Variants in FCHSD2 observed in about 807,000 individuals in gnomAD.
FCHSD2 encodes FCH and double SH3 domains 2, also known as F-BAR and double SH3 domains protein 2.
A neutral mutation model predicts 108.1 loss-of-function variants in FCHSD2; 38 were observed. That is an observed-to-expected ratio of 0.35 (90% CI 0.27 to 0.46). The LOEUF is 0.46. FCHSD2 is among the 20% of genes least tolerant of loss of function. The pLI, the probability that FCHSD2 is intolerant of heterozygous loss-of-function variation, is 1.00. For missense variants in FCHSD2, 751 were observed against 897.8 expected (o/e 0.84, Z 2.09); for synonymous variants, 279 against 314.7 (o/e 0.89, Z 1.20).
chr11:73,030,444 T>C (rs763578153), intron 3 of FCHSD2, among the ~76,000 whole-genome samples: 7 of 152,136 alleles, frequency 4.6e-5, no homozygotes, highest in African/African-American at 7.2e-5. Context: ...AGTGAGTATA[T>C]AGTTTTTACG....
At chr11:73,067,601 G>A (rs1044400822) in intron 3 of FCHSD2, among the ~76,000 whole-genome samples, 7 of 152,022 alleles carry the variant, frequency 4.6e-5, no homozygotes, top group African/African-American at 1.7e-4. Flanking sequence ...CAAGATCCCT[G>A]AAGCATTTAT....
At chr11:72,962,860 C>G (rs1485824216) in intron 8 of FCHSD2, among the ~76,000 whole-genome samples, 1 of 152,008 alleles carries the variant, frequency 6.6e-6, no homozygotes, top group Non-Finnish European at 1.5e-5. Flanking sequence ...AGTTAAATAT[C>G]TTGATTTCAG....
At chr11:72,873,087 C>T (rs191408308) in intron 12 of FCHSD2, among the ~76,000 whole-genome samples, 4 of 152,190 alleles carry the variant, frequency 2.6e-5, no homozygotes, top group African/African-American at 4.8e-5. Flanking sequence ...CCCAGCACTT[C>T]GGGAGGCTGA....
intron 17 of FCHSD2, among the ~76,000 whole-genome samples, chr11:72,842,223 G>A (rs1860978946): frequency 2.0e-5 from 3 of 152,200 alleles, no homozygotes; most frequent in Non-Finnish European, 4.4e-5. Flanking sequence ...GCAGGACCTG[G>A]ACTAGGCAAG....
chr11:73,065,756 G>A (rs1025843387), intron 3 of FCHSD2, among the ~76,000 whole-genome samples: 5 of 152,174 alleles, frequency 3.3e-5, no homozygotes, highest in Non-Finnish European at 4.4e-5. Flanking sequence ...ATTCACAATC[G>A]CTACAAAGAT....
intron 13 of FCHSD2, among the ~76,000 whole-genome samples, chr11:72,852,577 T>C (rs1458003967): frequency 1.3e-5 from 2 of 151,974 alleles, no homozygotes; most frequent in Admixed American, 6.6e-5. Context: ...GGCACGAGAA[T>C]TGCTTGAACC....
chr11:73,108,310 T>A (rs971597239), intron 2 of FCHSD2, among the ~76,000 whole-genome samples: 1 of 152,244 alleles, frequency 6.6e-6, no homozygotes, highest in Non-Finnish European at 1.5e-5. Flanking sequence ...TACTAATCCC[T>A]GGTAAGATAA....
intron 2 of FCHSD2, among the ~76,000 whole-genome samples, chr11:73,086,194 A>G (rs1328958347): frequency 1.3e-5 from 2 of 152,186 alleles, no homozygotes; most frequent in African/African-American, 4.8e-5. Flanking sequence ...GGATCACTTG[A>G]GGCCAGGAGT....
chr11:73,062,623 A>T (rs1252310336), intron 3 of FCHSD2, among the ~76,000 whole-genome samples: 1 of 152,216 alleles, frequency 6.6e-6, no homozygotes, highest in Non-Finnish European at 1.5e-5. Context: ...AATACACAGC[A>T]CGAGAACTTC....
At chr11:72,940,367 A>C in intron 8 of FCHSD2, 1 of 454,768 alleles carries the variant, frequency 2.2e-6, no homozygotes, top group Non-Finnish European at 3.9e-6. Flanking sequence ...AGTTTCTAAA[A>C]TGCAGTTACC....
chr11:73,110,825 C>T (rs1427888285), intron 2 of FCHSD2, among the ~76,000 whole-genome samples: 4 of 151,978 alleles, frequency 2.6e-5, no homozygotes, highest in South Asian at 2.1e-4. Context: ...CTTCCCACTT[C>T]GTACTGCTGT....
chr11:72,975,103 A>G (rs1565349700), intron 8 of FCHSD2, among the ~76,000 whole-genome samples: 1 of 152,212 alleles, frequency 6.6e-6, no homozygotes, highest in Non-Finnish European at 1.5e-5. Context: ...TTCACTTAAC[A>G]TAATGTCCTC....
At chr11:72,938,677 T>C (rs555884322) in intron 8 of FCHSD2, among the ~76,000 whole-genome samples, 9 of 152,248 alleles carry the variant, frequency 5.9e-5, no homozygotes, top group Admixed American at 2.6e-4. Context: ...TCAATTTTCA[T>C]CATTCTTTTA....
At chr11:73,005,130 T>C (rs957221415) in intron 4 of FCHSD2, among the ~76,000 whole-genome samples, 1 of 152,252 alleles carries the variant, frequency 6.6e-6, no homozygotes, top group Non-Finnish European at 1.5e-5. Flanking sequence ...AGCATTCTTA[T>C]GAGCAAACAT....
intron 13 of FCHSD2, among the ~76,000 whole-genome samples, chr11:72,855,734 T>C (rs1861412424): frequency 6.6e-6 from 1 of 152,122 alleles, no homozygotes; most frequent in South Asian, 2.1e-4. Context: ...AAAAAATGAG[T>C]TAGATCCACA....
chr11:73,108,579 T>G (rs1395668231), intron 2 of FCHSD2, among the ~76,000 whole-genome samples: 1 of 152,248 alleles, frequency 6.6e-6, no homozygotes, highest in Non-Finnish European at 1.5e-5. Flanking sequence ...TTTTTGTTTT[T>G]GAGACGGAGT....
rs182699348 is a variant in FCHSD2 at position 72,867,482 on chromosome 11, G to A, written c.1308+383C>T. Among the ~76,000 whole-genome samples the A allele has an allele frequency of 2.6e-4, 40 of 152,234 alleles. 1 individual carries two copies. Among genetic ancestry groups the A allele is most frequent in the Admixed American group, 2.5e-3 (38 of 15,294 alleles). On this transcript the variant is annotated intron_variant, in intron 13 of 19. Transcript: ENST00000409418. Reference sequence around the variant, plus strand: ...ACATTCCTTTCACTTAAGATTTTGTGCAAATCTCTGGATGTTTATTTTCAT... The same window carrying A: ...ACATTCCTTTCACTTAAGATTTTGTACAAATCTCTGGATGTTTATTTTCAT...
At chr11:72,870,097 G>C (rs1347747170) in intron 12 of FCHSD2, among the ~76,000 whole-genome samples, 1 of 152,048 alleles carries the variant, frequency 6.6e-6, no homozygotes, top group Non-Finnish European at 1.5e-5. Context: ...CCTCTGTAAA[G>C]GCCTTCTCAT....
In FCHSD2 at chr11:72,884,286, A is replaced by G. The variant is rs139515863; in HGVS notation, c.1146+3184T>C. On this transcript the variant is annotated intron_variant, in intron 12 of 19. Transcript: ENST00000409418. ...ACAAACACATAAAGCCAGTATTGCA[A>G]AATATAATAGTTGAATCTAGATGTT... Among the ~76,000 whole-genome samples, 571 of 152,174 alleles carry G rather than the reference A, an allele frequency of 3.8e-3. 5 individuals are homozygous for G. Among genetic ancestry groups the G allele is most frequent in the Non-Finnish European group, 4.6e-3 (310 of 67,980 alleles).
Sources: gnomAD v4.1 joint callset for allele counts (sites outside exome capture counted in the v4.1 genomes callset) on GRCh38, gnomAD v4.1.1 for gene constraint, MANE v1.5 for transcripts, NCBI Gene and HGNC (gene_info 2026-07-23, HGNC 2026-07-21) for gene names.